The following NMD3 variants were observed in gnomAD, a reference collection of about 807,000 sequenced individuals.
NMD3 encodes the protein 60S ribosomal export protein NMD3.
A neutral mutation model predicts 73.1 loss-of-function variants in NMD3; 47 were observed. That is an observed-to-expected ratio of 0.64 (90% CI 0.51 to 0.82). NMD3 has a LOEUF of 0.82. Ranked by LOEUF, NMD3 falls within the 40% of genes least tolerant of loss-of-function variation. NMD3 has a pLI of 0.00. For missense variants in NMD3, 554 were observed against 612.5 expected (o/e 0.90, Z 1.01); for synonymous variants, 210 against 194.5 (o/e 1.08, Z -0.66).
intron 4 of NMD3, among the ~76,000 whole-genome samples, chr3:161,231,870 G>A (rs1311352619): frequency 1.3e-5 from 2 of 152,158 alleles, no homozygotes; most frequent in African/African-American, 4.8e-5. Context: ...TTAGGATTCG[G>A]GGAGGAGTGT....
rs199691404 is a variant in NMD3 at position 161,233,430 on chromosome 3, C to G, written c.308C>G (p.Thr103Ser). Residue 103 changes from threonine to serine, a missense_variant, in exon 5 of 16, where the codon ACT becomes AGT. Transcript: ENST00000351193. ...CTTGTAGATGCAGGCTTTGTTTGGACTGAGCCTCATTCTAAGAGACTTAAA... is the reference window on the plus strand; with the variant it reads ...CTTGTAGATGCAGGCTTTGTTTGGAGTGAGCCTCATTCTAAGAGACTTAAA... ...VRLVDAGFVW[T>S]EPHSKRLKVK... is the part of the protein sequence containing the mutation. 1.2e-6 allele frequency: 2 copies of G among 1,609,662 alleles called. No homozygotes were observed. Among genetic ancestry groups the G allele is most frequent in the African/African-American group, 2.7e-5 (2 of 74,840 alleles).
intron 13 of NMD3, among the ~76,000 whole-genome samples, chr3:161,247,585 G>A (rs995210159): frequency 6.6e-6 from 1 of 151,292 alleles, no homozygotes; most frequent in African/African-American, 2.4e-5. Flanking sequence ...TTGGGAGTTC[G>A]AGACCAGCCT....
chr3:161,233,327 G>T, intron 4 of NMD3, 72 bp from the exon 5 acceptor site: 1 of 994,260 alleles, frequency 1.0e-6, no homozygotes, highest in Non-Finnish European at 1.6e-6. Context: ...GCTTATTGAT[G>T]ATTTGTTCTT....
At chr3:161,235,244 T>C (rs965959217) in intron 7 of NMD3, 32 bp downstream of exon 7, 1 of 1,070,974 alleles carries the variant, frequency 9.3e-7, no homozygotes, top group Non-Finnish European at 1.4e-6. Flanking sequence ...TTTGAAATTA[T>C]GTCAGATTTT....
chr3:161,241,502 C>T (rs1736984355), intron 10 of NMD3, among the ~76,000 whole-genome samples: 1 of 148,206 alleles, frequency 6.7e-6, no homozygotes, highest in Non-Finnish European at 1.5e-5. Context: ...CTCACTGCAA[C>T]CTCCGCCTCC....
chr3:161,232,684 A>G (rs1057143795), intron 4 of NMD3, among the ~76,000 whole-genome samples: 1 of 152,180 alleles, frequency 6.6e-6, no homozygotes. Flanking sequence ...GACTGTGCAG[A>G]TAAATCTTAC....
chr3:161,252,319 G>T (rs1237685904), downstream of NMD3: 1 of 152,108 alleles, frequency 6.6e-6, no homozygotes, highest in African/African-American at 2.4e-5. Flanking sequence ...GGTCGCATTG[G>T]TGTCATATTT....
chr3:161,239,508 A>G (rs1229805486), intron 9 of NMD3, among the ~76,000 whole-genome samples: 1 of 152,194 alleles, frequency 6.6e-6, no homozygotes, highest in Non-Finnish European at 1.5e-5. Context: ...ACCATTCTAC[A>G]TAAAGTTAAT....
intron 11 of NMD3, among the ~76,000 whole-genome samples, chr3:161,243,902 T>A (rs1166723045): frequency 6.6e-6 from 1 of 152,200 alleles, no homozygotes; most frequent in Non-Finnish European, 1.5e-5. Flanking sequence ...AATCTGTGGC[T>A]TAATACTATA....
intron 11 of NMD3, 67 bp from the exon 12 acceptor site, chr3:161,246,264 TTTAAC>T (rs1224329509): frequency 1.7e-6 from 1 of 582,600 alleles, no homozygotes; most frequent in Non-Finnish European, 2.8e-6. Context: ...CAATATTGTA[TTTAAC>T]TTTTCTCTGA....
chr3:161,241,420 CTTT>C (rs35893497), intron 10 of NMD3, among the ~76,000 whole-genome samples: 1 of 126,202 alleles, frequency 7.9e-6, no homozygotes, highest in Non-Finnish European at 1.7e-5. Context: ...CTGAAATTGA[CTTT>C]TTTTTTTTTT....
intron 4 of NMD3, among the ~76,000 whole-genome samples, chr3:161,230,588 T>G (rs1279844767): frequency 3.3e-5 from 5 of 152,190 alleles, no homozygotes; most frequent in African/African-American, 1.2e-4. Context: ...TAGTACATAG[T>G]GAAAGAATAC....
downstream of NMD3, chr3:161,252,649 G>A (rs6789388): frequency 0.58 from 291,912 of 499,394 alleles, 92,103 homozygotes; most frequent in East Asian, 0.97. Context: ...AGTATTCTTA[G>A]TCATATCCCA....
At chr3:161,246,475 G>A (rs759957177) in intron 12 of NMD3, 27 bp downstream of exon 12, 2 of 1,053,146 alleles carry the variant, frequency 1.9e-6, no homozygotes, top group Non-Finnish European at 2.8e-6. Context: ...ATTTTAAACT[G>A]CCAATTAGGA....
chr3:161,230,661 C>T (rs145163736), intron 4 of NMD3, among the ~76,000 whole-genome samples: 125 of 152,258 alleles, frequency 8.2e-4, no homozygotes, highest in African/African-American at 2.7e-3. Context: ...CACCAAGCAC[C>T]ATTTTGGGAG....
intron 2 of NMD3, chr3:161,222,927 A>G (rs1307100392): frequency 1.3e-5 from 2 of 152,256 alleles, no homozygotes; most frequent in Non-Finnish European, 1.5e-5. Context: ...CAGTTAGCTC[A>G]GTGGGTTTGA....
chr3:161,222,578 G>A (rs1046000714), intron 2 of NMD3, among the ~76,000 whole-genome samples: 4 of 143,804 alleles, frequency 2.8e-5, no homozygotes, highest in African/African-American at 1.0e-4. Flanking sequence ...TTGCATTTAA[G>A]TTCAAATTAA....
chr3:161,235,009 G>A (rs1438444059), intron 6 of NMD3, 113 bp from the exon 7 acceptor site: 5 of 935,902 alleles, frequency 5.3e-6, no homozygotes, highest in African/African-American at 3.3e-5. Context: ...AATCTTTAAA[G>A]ATTGTTATTG....
At chr3:161,231,387 GT>G (rs1156464347) in intron 4 of NMD3, among the ~76,000 whole-genome samples, 1 of 152,168 alleles carries the variant, frequency 6.6e-6, no homozygotes, top group African/African-American at 2.4e-5. Flanking sequence ...AGATAGGAAG[GT>G]GGATAATATT....
Sources: allele counts gnomAD v4.1 joint callset (sites outside exome capture counted in the v4.1 genomes callset), GRCh38; gene constraint gnomAD v4.1.1; transcripts MANE v1.5; gene names NCBI Gene and HGNC (gene_info 2026-07-23, HGNC 2026-07-21).